Variants in PDCD10 observed in about 807,000 individuals in gnomAD.
The protein encoded by PDCD10 is programmed cell death 10, also known as programmed cell death protein 10.
In PDCD10, 4 loss-of-function variants were observed where a neutral mutation model predicts 29.2. That is an observed-to-expected ratio of 0.14 (90% CI 0.07 to 0.31). The LOEUF is 0.31. PDCD10 is among the 10% of genes least tolerant of loss of function. The pLI is 1.00. For synonymous variants in PDCD10, 70 were observed against 82.2 expected, an observed-to-expected ratio of 0.85 and a Z score of 0.80; for missense variants, 183 against 257.9, an observed-to-expected ratio of 0.71 and a Z score of 1.99.
chr3:167,694,769 T>C (rs1268204513), intron 6 of PDCD10: 1 of 152,528 alleles, frequency 6.6e-6, no homozygotes, highest in East Asian at 1.9e-4. Context: ...AATGTTACTA[T>C]TTATTCCAAG....
At chr3:167,691,749 T>A (rs1720265772) in intron 6 of PDCD10, among the ~76,000 whole-genome samples, 1 of 152,188 alleles carries the variant, frequency 6.6e-6, no homozygotes, top group Non-Finnish European at 1.5e-5. Context: ...TATTTTTCAA[T>A]CTCCAGATTA....
intron 6 of PDCD10, among the ~76,000 whole-genome samples, chr3:167,691,575 C>T (rs1018053950): frequency 1.3e-5 from 2 of 152,174 alleles, no homozygotes; most frequent in African/African-American, 4.8e-5. Context: ...GCAGAGATGT[C>T]TCAGGGACTC....
chr3:167,727,013 C>T (rs1196589682), intron 2 of PDCD10, among the ~76,000 whole-genome samples: 1 of 152,116 alleles, frequency 6.6e-6, no homozygotes, highest in East Asian at 1.9e-4. Flanking sequence ...AAGAATTTGG[C>T]CATCAGGTGC....
In PDCD10 at chr3:167,692,242, G is replaced by A. The variant is rs568065382; in HGVS notation, c.395+3354C>T. 3.3e-5 allele frequency among the ~76,000 whole-genome samples: 5 copies of A among 152,290 alleles called. No individual in the cohort carries two copies. In the South Asian group the frequency reaches 8.3e-4, roughly 25 times the overall value. On this transcript the variant is annotated intron_variant, in intron 6 of 8. Transcript: ENST00000392750. ...CATGTTTACTTTAACTATACAGGGC[G>A]AGTATCCCTTAAACAAAATGCTTGA...
At chr3:167,713,812 T>G (rs1722755183) in intron 3 of PDCD10, among the ~76,000 whole-genome samples, 1 of 151,868 alleles carries the variant, frequency 6.6e-6, no homozygotes, top group Non-Finnish European at 1.5e-5. Context: ...AGGAAATGGA[T>G]AAATTCCCAG....
chr3:167,709,839 T>C (rs893331454), intron 3 of PDCD10, among the ~76,000 whole-genome samples: 6 of 152,014 alleles, frequency 3.9e-5, no homozygotes, highest in African/African-American at 1.2e-4. Context: ...TGCTTCAGGA[T>C]AGGAAGGCAA....
At chr3:167,720,304 T>C (rs562649829) in intron 2 of PDCD10, 31 bp from the exon 3 acceptor site, 26 of 643,216 alleles carry the variant, frequency 4.0e-5, no homozygotes, top group African/African-American at 3.5e-4. Flanking sequence ...AACAGAGACT[T>C]ACTATATTAA....
intron 3 of PDCD10, among the ~76,000 whole-genome samples, chr3:167,709,311 A>G (rs1358792912): frequency 6.6e-6 from 1 of 152,204 alleles, no homozygotes; most frequent in Non-Finnish European, 1.5e-5. Context: ...TTAATTTCAT[A>G]TTGCTGAAAG....
intron 4 of PDCD10, among the ~76,000 whole-genome samples, chr3:167,701,666 T>C (rs1721452632): frequency 6.6e-6 from 1 of 152,132 alleles, no homozygotes; most frequent in Non-Finnish European, 1.5e-5. Context: ...TAAAGCTCAT[T>C]ATACATGGAA....
intron 3 of PDCD10, among the ~76,000 whole-genome samples, chr3:167,716,736 ATTAC>A (rs371147108): frequency 8.1e-4 from 124 of 152,168 alleles, no homozygotes; most frequent in Middle Eastern, 3.4e-3. Context: ...AAACATATTA[ATTAC>A]TTACACAGAA....
chr3:167,716,197 T>C (rs1168749197), intron 3 of PDCD10, among the ~76,000 whole-genome samples: 1 of 151,946 alleles, frequency 6.6e-6, no homozygotes, highest in African/African-American at 2.4e-5. Flanking sequence ...TCTCATTTAC[T>C]TGTGGAAGCT....
intron 6 of PDCD10, among the ~76,000 whole-genome samples, chr3:167,691,588 T>C (rs1206372849): frequency 2.6e-5 from 4 of 152,286 alleles, no homozygotes; most frequent in South Asian, 2.1e-4. Context: ...AGGGACTCTG[T>C]AGGGGGAAAG....
At chr3:167,710,783 T>G (rs1577352142) in intron 3 of PDCD10, among the ~76,000 whole-genome samples, 1 of 152,308 alleles carries the variant, frequency 6.6e-6, no homozygotes, top group Non-Finnish European at 1.5e-5. Flanking sequence ...TCTGACCCAG[T>G]GCAATTCCAG....
Position 167,683,832 on chromosome 3 carries a change from C to G in PDCD10, c.*476G>C, listed in dbSNP as rs1350659046. ...AGACATTACACCAAGTTGTCTTGGT[C>G]TTCTGTTCATATATATATATATATA... is the stretch of plus-strand genomic sequence containing the variant. On this transcript the variant is annotated 3_prime_UTR_variant, in exon 9 of 9. Coordinates refer to ENST00000392750, the MANE Select transcript of PDCD10 (RefSeq NM_007217.4). 3 of 139,034 alleles carry G rather than the reference C, an allele frequency of 2.2e-5. No homozygotes were observed. Among genetic ancestry groups the G allele is most frequent in the Non-Finnish European group, 4.6e-5 (3 of 65,572 alleles). The allele number at this position is 139,034 out of a possible 1,614,324, so 8.6% of individuals were successfully genotyped here. A position where few individuals can be genotyped will look rare whatever the true frequency, so the allele number is the denominator to read the frequency against.
At chr3:167,710,101 T>A (rs989880352) in intron 3 of PDCD10, among the ~76,000 whole-genome samples, 3 of 152,086 alleles carry the variant, frequency 2.0e-5, no homozygotes, top group Non-Finnish European at 4.4e-5. Flanking sequence ...TAGTACACTG[T>A]AGGCCTTGGT....
chr3:167,730,536 GC>G (rs1162132713), intron 2 of PDCD10, among the ~76,000 whole-genome samples: 1 of 152,092 alleles, frequency 6.6e-6, no homozygotes, highest in African/African-American at 2.4e-5. Flanking sequence ...TTAGGATTTA[GC>G]AAAGACTTGT....
At chr3:167,703,765 A>G (rs1019450524) in intron 4 of PDCD10, among the ~76,000 whole-genome samples, 1 of 152,202 alleles carries the variant, frequency 6.6e-6, no homozygotes, top group Non-Finnish European at 1.5e-5. Context: ...CAGAAATGTA[A>G]TATCAGCAAC....
At chr3:167,711,383 A>T (rs1722506533) in intron 3 of PDCD10, among the ~76,000 whole-genome samples, 2 of 152,252 alleles carry the variant, frequency 1.3e-5, no homozygotes, top group Non-Finnish European at 2.9e-5. Context: ...TGCAACTGGC[A>T]TACTGAAGAA....
Position 167,720,136 on chromosome 3 carries a change from T to C in PDCD10, c.22A>G (p.Met8Val). 1 of 1,611,838 alleles carries C rather than the reference T, an allele frequency of 6.2e-7. No individual in the cohort carries two copies. The highest frequency in any genetic ancestry group is 1.3e-5 in the African/African-American group (1 of 74,952). The change falls in exon 3 of 9, where the codon ATG becomes GTG. Residue 8 changes from methionine to valine, a missense_variant. By Grantham distance (21) the Met-to-Val change is conservative (BLOSUM62 1). Coordinates refer to ENST00000392750, the MANE Select transcript of PDCD10 (RefSeq NM_007217.4). Reference sequence around the variant, plus strand: ...GATGTGGTCTCAGCTTCATTCTTCATCTCTTCCATTGTCATCCTCATTCAA... The same window carrying C: ...GATGTGGTCTCAGCTTCATTCTTCACCTCTTCCATTGTCATCCTCATTCAA... The part of the protein sequence containing the change: MRMTMEE[M>V]KNEAETTSMV...
Sources: gnomAD v4.1 joint callset for allele counts (sites outside exome capture counted in the v4.1 genomes callset) on GRCh38, gnomAD v4.1.1 for gene constraint, MANE v1.5 for transcripts, NCBI Gene and HGNC (gene_info 2026-07-23, HGNC 2026-07-21) for gene names.